The following ST14 variants were observed in gnomAD, a reference collection of about 807,000 sequenced individuals.
ST14 encodes ST14 transmembrane serine protease matriptase, also known as suppressor of tumorigenicity 14 protein.
ST14 carries 40 observed loss-of-function variants against 96.5 expected under a neutral mutation model. The observed-to-expected ratio is 0.41, with a 90% CI of 0.32 to 0.54. The LOEUF is 0.54. Ranked by LOEUF, ST14 falls within the 20% of genes least tolerant of loss-of-function variation. ST14 has a pLI of 0.17. For synonymous variants in ST14, 506 were observed against 492.1 expected, an observed-to-expected ratio of 1.03 and a Z score of -0.37; for missense variants, 1,066 against 1,188.9, an observed-to-expected ratio of 0.90 and a Z score of 1.52.
intron 1 of ST14, among the ~76,000 whole-genome samples, chr11:130,164,023 C>T (rs1261731790): frequency 2.0e-5 from 3 of 152,202 alleles, no homozygotes; most frequent in Non-Finnish European, 4.4e-5. Flanking sequence ...TTCTGTCCCT[C>T]GGAACACTGT....
Position 130,194,678 on chromosome 11 carries a change from A to T in ST14, c.1054A>T (p.Asn352Tyr). Residue 352 changes from asparagine (N) to tyrosine (Y), a missense_variant, in exon 9 of 19, where the codon AAC becomes TAC. Coordinates refer to ENST00000278742, the MANE Select transcript of ST14 (RefSeq NM_021978.4). The stretch of plus-strand genomic sequence containing the variant: ...CTTACGTAAAGCCCAGGGGACATTC[A>T]ACAGCCCCTACTACCCAGGCCACTA... ...GRLRKAQGTF[N>Y]SPYYPGHYPP... 1 of 1,614,128 alleles carries T rather than the reference A, an allele frequency of 6.2e-7. No homozygotes were observed. The highest frequency in any genetic ancestry group is 1.1e-5 in the South Asian group (1 of 91,082).
intron 1 of ST14, among the ~76,000 whole-genome samples, chr11:130,178,857 A>G (rs1034456419): frequency 6.6e-6 from 1 of 152,214 alleles, no homozygotes; most frequent in Non-Finnish European, 1.5e-5. Context: ...GTCTGCCAGC[A>G]GCTGGCTGGG....
rs1296650530 is a variant in ST14, at chr11:130,163,447, C to T, written c.81+3387C>T. On this transcript the variant is annotated intron_variant, in intron 1 of 18. Transcript: ENST00000278742. ...TTGTTTTTTAGACATGGGGGTCTTG[C>T]TATGTTGCCCAGGCTGGACTCAAAC... Among the ~76,000 whole-genome samples the T allele has an allele frequency of 2.6e-5, 4 of 152,174 alleles. No homozygotes were observed. In the East Asian group the frequency reaches 7.7e-4, roughly 29 times the overall value.
chr11:130,202,879 G>A (rs907063560), intron 16 of ST14, among the ~76,000 whole-genome samples: 3 of 152,128 alleles, frequency 2.0e-5, no homozygotes, highest in East Asian at 1.9e-4. Context: ...TGTCAGCATC[G>A]AGAATTGTGC....
In ST14 at chr11:130,197,841, C is replaced by T; in HGVS notation, c.1355C>T (p.Pro452Leu). Reference sequence around the variant, plus strand: ...GCCTCAGGCCTGCCTGTGCCCGCAGCATGCCCGGGGCAGTTCACGTGCCGC... The same window carrying T: ...GCCTCAGGCCTGCCTGTGCCCGCAGTATGCCCGGGGCAGTTCACGTGCCGC... Reference protein sequence around the residue: ...AEYLSYDSSDPCPGQFTCRTG... With the variant: ...AEYLSYDSSDLCPGQFTCRTG... The change falls in exon 12 of 19, where the codon CCA becomes CTA. Residue 452 changes from proline (P) to leucine (L), a missense_variant and splice_region_variant. Pro to Leu is a moderately conservative substitution (Grantham distance 98). Coordinates refer to ENST00000278742, the MANE Select transcript of ST14 (RefSeq NM_021978.4). 6.4e-7 allele frequency: 1 copy of T among 1,568,012 alleles called. No homozygotes were observed. The highest frequency in any genetic ancestry group is 8.6e-7 in the Non-Finnish European group (1 of 1,160,138).
intron 1 of ST14, among the ~76,000 whole-genome samples, chr11:130,170,798 C>G (rs1010909931): frequency 6.6e-6 from 1 of 151,976 alleles, no homozygotes; most frequent in South Asian, 2.1e-4. Flanking sequence ...AGCAGGGGCC[C>G]GTCTCTTGGG....
rs1952984211 is a variant in ST14 at position 130,159,800 on chromosome 11, C to G, written c.-180C>G. ...CCGGAGTGTGAGAGCGGAGCTGCAG[C>G]CGGAGAAAGAGGAAGAGGGAGAGAG... On this transcript the variant is annotated 5_prime_UTR_variant, in exon 1 of 19. Transcript: ENST00000278742. 4.9e-6 allele frequency: 1 copy of G among 205,268 alleles called. No individual in the cohort carries two copies. The highest frequency in any genetic ancestry group is 2.3e-5 in the African/African-American group (1 of 42,646). The allele number at this position is 205,268 out of a possible 1,614,324, so 12.7% of individuals were successfully genotyped here.
intron 18 of ST14, 31 bp from the exon 19 acceptor site, chr11:130,209,631 G>A (rs1953529673): frequency 6.3e-7 from 1 of 1,582,242 alleles, no homozygotes; most frequent in Admixed American, 1.8e-5. Flanking sequence ...GGCGGGACTG[G>A]GGACTCACGG....
chr11:130,169,868 A>T (rs902205240), intron 1 of ST14, among the ~76,000 whole-genome samples: 2 of 152,092 alleles, frequency 1.3e-5, no homozygotes, highest in African/African-American at 4.8e-5. Context: ...TGCTGGCTGC[A>T]CCTCTTGTTT....
Position 130,188,444 on chromosome 11 carries a change from TG to T in ST14, c.242-84del. On this transcript the variant is annotated intron_variant, in intron 2 of 18. Coordinates refer to ENST00000278742, the MANE Select transcript of ST14 (RefSeq NM_021978.4). This position sits in a 1 kb window ranked among gnomAD's most constrained non-coding sequence, Gnocchi z 5.4. ...TCAGGGCTGACCCATGGCCCCCTCC[TG>T]GCATTCATTCCCCATTGTGGACGGC... 3.1e-6 allele frequency: 5 copies of T among 1,606,986 alleles called. No individual in the cohort carries two copies. The highest frequency in any genetic ancestry group is 4.2e-6 in the Non-Finnish European group (5 of 1,177,780).
intron 1 of ST14, among the ~76,000 whole-genome samples, chr11:130,182,821 TTA>T (rs1491334260): frequency 6.6e-6 from 1 of 151,688 alleles, no homozygotes; most frequent in Non-Finnish European, 1.5e-5. Context: ...GGCTAATTTT[TTA>T]TGTTTTTTGT....
intron 16 of ST14, among the ~76,000 whole-genome samples, chr11:130,201,480 C>G (rs565604610): frequency 2.2e-4 from 33 of 152,240 alleles, no homozygotes; most frequent in Non-Finnish European, 3.7e-4. Context: ...GTGCTCAGAC[C>G]CATGCACAGG....
In ST14 at chr11:130,198,994, C is replaced by T. The variant is rs201054311; in HGVS notation, c.1732C>T (p.Leu578Phe). Reference sequence around the variant, plus strand: ...ACACACCTACCGCTGCCTCAATGGGCTCTGCTTGAGCAAGGGCAACCCTGA... The same window carrying T: ...ACACACCTACCGCTGCCTCAATGGGTTCTGCTTGAGCAAGGGCAACCCTGA... ...TKHTYRCLNG[L>F]CLSKGNPECD... is the part of the protein sequence containing the mutation. Residue 578 changes from leucine to phenylalanine, a missense_variant, in exon 15 of 19, where the codon CTC (leucine) becomes TTC (phenylalanine). Coordinates refer to ENST00000278742, the MANE Select transcript of ST14 (RefSeq NM_021978.4). 6.2e-6 allele frequency: 10 copies of T among 1,614,106 alleles called. No individual in the cohort carries two copies. The highest frequency in any genetic ancestry group is 7.6e-6 in the Non-Finnish European group (9 of 1,179,998).
intron 1 of ST14, among the ~76,000 whole-genome samples, chr11:130,168,564 G>A (rs181059173): frequency 1.3e-5 from 2 of 152,284 alleles, no homozygotes; most frequent in Non-Finnish European, 2.9e-5. Context: ...CCTAATACTC[G>A]TACTAAGGAA....
chr11:130,197,895 G>A lies in ST14; in HGVS notation c.1409G>A (p.Arg470His), dbSNP rs200995786. The A allele has an allele frequency of 3.4e-5, 55 of 1,597,492 alleles. No homozygotes were observed. Among genetic ancestry groups the A allele is most frequent in the South Asian group, 6.7e-5 (6 of 88,994 alleles). Residue 470 changes from arginine (R) to histidine (H), a missense_variant, in exon 12 of 19, where the codon CGC becomes CAC. By Grantham distance (29) the Arg-to-His change is conservative (BLOSUM62 0). Transcript: ENST00000278742. ...GGGCGGTGTATCCGGAAGGAGCTGC[G>A]CTGTGATGGCTGGGCCGACTGCACC... is the stretch of plus-strand genomic sequence containing the variant. ...RTGRCIRKELRCDGWADCTDH... is the reference protein window; with the variant it reads ...RTGRCIRKELHCDGWADCTDH...
chr11:130,196,085 G>T (rs937055994), intron 9 of ST14, among the ~76,000 whole-genome samples: 1 of 152,086 alleles, frequency 6.6e-6, no homozygotes, highest in Non-Finnish European at 1.5e-5. Context: ...GCGTGAACCC[G>T]GGAGGCGGAG....
intron 11 of ST14, chr11:130,196,903 C>T: frequency 2.8e-6 from 2 of 723,110 alleles, no homozygotes; most frequent in South Asian, 1.7e-5. Context: ...CGCTGGCACA[C>T]ACTGTGTCCT....
chr11:130,189,885 T>C lies in ST14; in HGVS notation c.587T>C (p.Val196Ala). Residue 196 changes from valine to alanine, a missense_variant, in exon 5 of 19, where the codon GTG (valine) becomes GCG (alanine). Physicochemically the swap from Val to Ala is moderately conservative, Grantham distance 64. Transcript: ENST00000278742. Reference sequence around the variant, plus strand: ...CTGAAGTCCTTTGTGGTCACCTCAGTGGTGGCTTTCCGTGAGTCCGAGGGC... The same window carrying C: ...CTGAAGTCCTTTGTGGTCACCTCAGCGGTGGCTTTCCGTGAGTCCGAGGGC... ...RSLKSFVVTS[V>A]VAFPTDSKTV... The C allele has an allele frequency of 6.2e-7, 1 of 1,613,700 alleles. No individual in the cohort carries two copies. The highest frequency in any genetic ancestry group is 8.5e-7 in the Non-Finnish European group (1 of 1,179,918).
At position 130,194,645 on chromosome 11, in the gene ST14, G is replaced by A; in HGVS notation, c.1021G>A (p.Gly341Arg). ...FFQLPRMSSC[G>R]GRLRKAQGTF... ...TCTCCCACCTTCCCTCTCAGGCTGT[G>A]GAGGCCGCTTACGTAAAGCCCAGGG... The change falls in exon 9 of 19, where the codon GGA becomes AGA. Residue 341 changes from glycine (G) to arginine (R), a missense_variant. Coordinates refer to ENST00000278742, the MANE Select transcript of ST14 (RefSeq NM_021978.4). 6.2e-7 allele frequency: 1 copy of A among 1,614,162 alleles called. No homozygotes were observed. Among genetic ancestry groups the A allele is most frequent in the Non-Finnish European group, 8.5e-7 (1 of 1,180,014 alleles).
Sources: allele counts gnomAD v4.1 joint callset (sites outside exome capture counted in the v4.1 genomes callset), GRCh38; gene constraint gnomAD v4.1.1; non-coding constraint Gnocchi (gnomAD v3.1); transcripts MANE v1.5; gene names NCBI Gene and HGNC (gene_info 2026-07-23, HGNC 2026-07-21).